The following GRID2 variants were observed in gnomAD, a reference collection of about 807,000 sequenced individuals.
The protein encoded by GRID2 is glutamate ionotropic receptor delta type subunit 2.
Under a neutral mutation model 114.8 loss-of-function variants are expected in GRID2, and 33 were observed. That is an observed-to-expected ratio of 0.29 (90% CI 0.22 to 0.38). The LOEUF (loss-of-function observed/expected upper bound fraction) is 0.38. Ranked by LOEUF, GRID2 falls within the 10% of genes least tolerant of loss-of-function variation. The pLI is 1.00. For synonymous variants in GRID2, 505 were observed against 449.9 expected (o/e 1.12, Z -1.55); for missense variants, 1,184 against 1,257.7 (o/e 0.94, Z 0.89).
intron 11 of GRID2, among the ~76,000 whole-genome samples, chr4:93,488,468 G>A (rs1205273103): frequency 6.6e-6 from 1 of 151,802 alleles, no homozygotes; most frequent in Non-Finnish European, 1.5e-5. Flanking sequence ...GGGAACTCGT[G>A]GTTGTAATTA....
At chr4:92,826,798 A>G (rs911450349) in intron 2 of GRID2, among the ~76,000 whole-genome samples, 3 of 152,132 alleles carry the variant, frequency 2.0e-5, no homozygotes, top group Non-Finnish European at 4.4e-5. Flanking sequence ...GTATTACAAC[A>G]TGAGTTTTTC....
intron 6 of GRID2, among the ~76,000 whole-genome samples, chr4:93,223,199 A>G (rs1444090042): frequency 1.3e-5 from 2 of 152,088 alleles, no homozygotes; most frequent in Admixed American, 1.3e-4. Context: ...TTTGTAGTCT[A>G]TCTAGTAATT....
chr4:93,316,326 A>AAGAAAGAAAGAAAG (rs1196918234), intron 8 of GRID2, among the ~76,000 whole-genome samples: 1 of 55,936 alleles, frequency 1.8e-5, no homozygotes, highest in Non-Finnish European at 3.7e-5. Flanking sequence ...GAAAGAAAGA[A>AAGAAAGAAAGAAAG]AGAAAGAAAG....
downstream of GRID2, among the ~76,000 whole-genome samples, chr4:93,778,820 T>A (rs1052233167): frequency 6.6e-6 from 1 of 152,228 alleles, no homozygotes; most frequent in South Asian, 2.1e-4. Context: ...GTTGACATGA[T>A]GTATGTGATA....
At chr4:93,437,603 C>A (rs558427664) in intron 10 of GRID2, among the ~76,000 whole-genome samples, 2 of 152,122 alleles carry the variant, frequency 1.3e-5, no homozygotes, top group Admixed American at 1.3e-4. Flanking sequence ...CTAAACTTCT[C>A]GAAATTCACA....
intron 13 of GRID2, among the ~76,000 whole-genome samples, chr4:93,556,187 C>A (rs1295977463): frequency 6.6e-6 from 1 of 152,050 alleles, no homozygotes; most frequent in African/African-American, 2.4e-5. Flanking sequence ...TTTCAAAAAC[C>A]AGAATGCCTC....
chr4:92,375,340 C>T (rs897280205), intron 1 of GRID2, among the ~76,000 whole-genome samples: 1 of 152,060 alleles, frequency 6.6e-6, no homozygotes, highest in Non-Finnish European at 1.5e-5. Flanking sequence ...TGCTTAACAT[C>T]TTTTTAGCCC....
intron 3 of GRID2, among the ~76,000 whole-genome samples, chr4:93,087,265 C>T (rs948895368): frequency 6.6e-6 from 1 of 151,832 alleles, no homozygotes; most frequent in African/African-American, 2.4e-5. Context: ...TGGTCTCGAT[C>T]TCCTGACATC....
chr4:93,794,662 G>T (rs1284072791), intron 1 of GRID2, among the ~76,000 whole-genome samples: 1 of 152,190 alleles, frequency 6.6e-6, no homozygotes, highest in Admixed American at 6.5e-5. Context: ...CTTTGGCAGG[G>T]TTTGCCAACT....
chr4:93,588,449 G>A lies in GRID2; in HGVS notation c.2194-37820G>A, dbSNP rs142079596. On this transcript the variant is annotated intron_variant, in intron 13 of 15. Coordinates refer to ENST00000282020, the MANE Select transcript of GRID2 (RefSeq NM_001510.4). ...AACCTATAAGCCAATGCAAACAGTCGATCACCAGTGTTTCTGTAAGAATGA... is the reference window on the plus strand; with the variant it reads ...AACCTATAAGCCAATGCAAACAGTCAATCACCAGTGTTTCTGTAAGAATGA... Among the ~76,000 whole-genome samples the A allele has an allele frequency of 3.9e-3, 588 of 152,188 alleles. 2 individuals carry two copies. The highest frequency in any genetic ancestry group is 0.014 in the African/African-American group (563 of 41,538).
chr4:92,688,043 T>C lies in GRID2; in HGVS notation c.244+97757T>C, dbSNP rs1217669410. 1.5e-4 allele frequency among the ~76,000 whole-genome samples: 17 copies of C among 116,024 alleles called. 1 individual carries two copies. Among genetic ancestry groups the C allele is most frequent in the East Asian group, 5.5e-4 (2 of 3,624 alleles). The allele number at this position is 116,024 out of a possible 152,430, so 76.1% of individuals were successfully genotyped here. On this transcript the variant is annotated intron_variant, in intron 2 of 15. Transcript: ENST00000282020. ...TTGGTTGACCCTTCTTCTTCTTTTT[T>C]TTTTTTTTTTTTTTTTTTTTTTTGG...
intron 8 of GRID2, chr4:93,318,706 C>T (rs1429509322): frequency 6.6e-6 from 1 of 152,112 alleles, no homozygotes; most frequent in African/African-American, 2.4e-5. Context: ...ACCATTCCTT[C>T]TATCCTTGTG....
intron 8 of GRID2, among the ~76,000 whole-genome samples, chr4:93,287,140 G>A (rs779987241): frequency 2.6e-4 from 40 of 152,126 alleles, no homozygotes; most frequent in Non-Finnish European, 5.4e-4. Flanking sequence ...AGCAGATACT[G>A]TAGCTTAGCC....
intron 1 of GRID2, among the ~76,000 whole-genome samples, chr4:93,797,871 G>A (rs1169447113): frequency 1.3e-5 from 2 of 149,196 alleles, no homozygotes; most frequent in African/African-American, 4.9e-5. Flanking sequence ...AGAGGAGCAA[G>A]GCCAGGTGTG....
chr4:93,338,485 G>A (rs1759313406), intron 8 of GRID2, among the ~76,000 whole-genome samples: 1 of 152,090 alleles, frequency 6.6e-6, no homozygotes, highest in South Asian at 2.1e-4. Context: ...TCTCAAGAAT[G>A]TAGATAACAG....
At chr4:92,831,599 A>G (rs1409203468) in intron 2 of GRID2, among the ~76,000 whole-genome samples, 1 of 151,878 alleles carries the variant, frequency 6.6e-6, no homozygotes, top group African/African-American at 2.4e-5. Flanking sequence ...CATGCCTGTA[A>G]TCCCAGTACT....
chr4:93,187,370 C>T (rs148048479), intron 4 of GRID2, among the ~76,000 whole-genome samples: 34 of 150,998 alleles, frequency 2.3e-4, no homozygotes, highest in Non-Finnish European at 3.8e-4. Flanking sequence ...TCTACCTCCA[C>T]GGTTCAAGCA....
chr4:92,411,655 G>GTGTGTGTATATATATATATATATA, intron 1 of GRID2, among the ~76,000 whole-genome samples: 66 of 84,654 alleles, frequency 7.8e-4, no homozygotes, highest in African/African-American at 3.2e-3. Flanking sequence ...GTGTGTGTGT[G>GTGTGTGTATATATATATATATATA]TATATATATA....
At chr4:93,449,938 T>C (rs1428199172) in intron 10 of GRID2, among the ~76,000 whole-genome samples, 3 of 151,974 alleles carry the variant, frequency 2.0e-5, no homozygotes, top group Non-Finnish European at 4.4e-5. Flanking sequence ...GAGACAAATA[T>C]AAAATCTAAC....
Sources: allele counts gnomAD v4.1 joint callset (sites outside exome capture counted in the v4.1 genomes callset), GRCh38; gene constraint gnomAD v4.1.1; transcripts MANE v1.5; gene names NCBI Gene and HGNC (gene_info 2026-07-23, HGNC 2026-07-21).